PKIG: variants seen among roughly 807,000 people sequenced by gnomAD.
The protein encoded by PKIG is protein kinase (cAMP-dependent, catalytic) inhibitor gamma.
Under a neutral mutation model 6.8 loss-of-function variants are expected in PKIG, and 1 was observed. That is an observed-to-expected ratio of 0.15 (90% CI 0.05 to 0.69). The LOEUF (loss-of-function observed/expected upper bound fraction) is 0.69, where lower values mean the gene tolerates loss of function less well. Among genes scored for constraint, PKIG ranks in the 30% least tolerant of loss-of-function variants. The pLI is 0.82. For missense variants in PKIG, 77 were observed against 104.0 expected, an observed-to-expected ratio of 0.74 and a Z score of 1.13; for synonymous variants, 39 against 43.0, an observed-to-expected ratio of 0.91 and a Z score of 0.36.
intron 1 of PKIG, 42 bp from the exon 2 acceptor site, chr20:44,589,755 G>A (rs1473844669): frequency 6.6e-6 from 1 of 152,280 alleles, no homozygotes; most frequent in South Asian, 2.1e-4. Flanking sequence ...TAATCCCAGA[G>A]TATGTCTGGC....
rs555647106 is a variant in PKIG at position 44,584,746 on chromosome 20, G to A, written c.-94+2015G>A. On this transcript the variant is annotated intron_variant, in intron 1 of 3. Coordinates refer to ENST00000372886, the MANE Select transcript of PKIG (RefSeq NM_001281445.2). ...TCTTTTTTTTTTTTTTTGAGACGGA[G>A]TCTCACTCTGTCTCCCAGGCTGGAG... Among the ~76,000 whole-genome samples, 667 of 149,428 alleles carry A rather than the reference G, an allele frequency of 4.5e-3. 5 individuals are homozygous for A. Among genetic ancestry groups the A allele is most frequent in the Non-Finnish European group, 7.2e-3 (484 of 67,534 alleles).
chr20:44,608,914 A>G (rs894794581), intron 2 of PKIG, among the ~76,000 whole-genome samples: 1 of 152,238 alleles, frequency 6.6e-6, no homozygotes, highest in African/African-American at 2.4e-5. Context: ...GCTAAAAGAT[A>G]TGGAAAAAGT....
rs566869524 is a variant in PKIG at position 44,573,814 on chromosome 20, C to T, written c.-240-8771C>T. Among the ~76,000 whole-genome samples the T allele has an allele frequency of 1.3e-4, 20 of 152,318 alleles. No individual in the cohort carries two copies. In the South Asian group the frequency reaches 2.3e-3, roughly 17 times the overall value. ...AATAGCAATAATTGTTATTATTACA[C>T]TTAATGTGGATATATTCACTCTGGG... On this transcript the variant is annotated intron_variant, in intron 1 of 4. Transcript: ENST00000372887.
chr20:44,534,592 C>A (rs919033606), intron 1 of PKIG, among the ~76,000 whole-genome samples: 2 of 151,942 alleles, frequency 1.3e-5, no homozygotes, highest in African/African-American at 4.8e-5. Flanking sequence ...CCTCAGCCCC[C>A]CAAGTAGCTG....
chr20:44,581,859 C>T (rs536021822), upstream of PKIG, among the ~76,000 whole-genome samples: 36 of 152,256 alleles, frequency 2.4e-4, no homozygotes, highest in South Asian at 6.2e-4. Context: ...CTCTATAATG[C>T]ATTTGTTTAT....
intron 2 of PKIG, among the ~76,000 whole-genome samples, chr20:44,610,974 A>G (rs528847424): frequency 9.6e-4 from 146 of 151,718 alleles, no homozygotes; most frequent in Non-Finnish European, 1.5e-3. Flanking sequence ...CAGTTAGCAT[A>G]TCCATCATCT....
At chr20:44,586,723 T>C (rs1457360897) in intron 1 of PKIG, among the ~76,000 whole-genome samples, 5 of 152,236 alleles carry the variant, frequency 3.3e-5, no homozygotes, top group Non-Finnish European at 7.3e-5. Context: ...TTATTAATCA[T>C]GACCCTAGGC....
intron 1 of PKIG, among the ~76,000 whole-genome samples, chr20:44,574,019 T>C (rs2064875306): frequency 6.6e-6 from 1 of 152,236 alleles, no homozygotes. Flanking sequence ...TGTCTCCTGC[T>C]TACCCCTCAC....
upstream of PKIG, among the ~76,000 whole-genome samples, chr20:44,580,643 C>T (rs546742287): frequency 2.0e-5 from 3 of 151,846 alleles, no homozygotes; most frequent in Non-Finnish European, 2.9e-5. Flanking sequence ...CCACCGCGCC[C>T]GGCCAGGCTG....
chr20:44,595,802 G>A (rs2065070712), intron 2 of PKIG, among the ~76,000 whole-genome samples: 1 of 152,182 alleles, frequency 6.6e-6, no homozygotes, highest in East Asian at 1.9e-4. Context: ...GTGAACCACT[G>A]CGCCTGGTGC....
chr20:44,579,382 T>G (rs892565413), upstream of PKIG, among the ~76,000 whole-genome samples: 4 of 152,218 alleles, frequency 2.6e-5, no homozygotes, highest in African/African-American at 9.6e-5. Context: ...CAGCCAAGTT[T>G]CCTGAAGGGA....
chr20:44,545,975 C>T lies in PKIG; in HGVS notation c.-241+13997C>T, dbSNP rs536599554. On this transcript the variant is annotated intron_variant, in intron 1 of 4. Transcript: ENST00000372887. The stretch of plus-strand genomic sequence containing the variant: ...CTCAAGAAAAGGCCTTCACTGGGCA[C>T]AGTGGCTCATGTCTATAATCCCAGC... Among the ~76,000 whole-genome samples the T allele has an allele frequency of 2.8e-4, 42 of 151,860 alleles. No individual in the cohort carries two copies. The South Asian group carries it at 3.7e-3, about 14-fold the overall frequency.
chr20:44,587,295 C>A (rs2064997650), intron 1 of PKIG, among the ~76,000 whole-genome samples: 1 of 152,218 alleles, frequency 6.6e-6, no homozygotes. Flanking sequence ...AGGTCCTGAT[C>A]TTGCGCTGGG....
At chr20:44,568,385 A>G (rs1336334520) in intron 1 of PKIG, among the ~76,000 whole-genome samples, 1 of 152,142 alleles carries the variant, frequency 6.6e-6, no homozygotes. Context: ...CTACTGATTA[A>G]TAGTTTCTTC....
chr20:44,559,936 G>C (rs891060994), intron 1 of PKIG, among the ~76,000 whole-genome samples: 2 of 152,066 alleles, frequency 1.3e-5, no homozygotes, highest in Non-Finnish European at 2.9e-5. Flanking sequence ...CGGGCATGGT[G>C]GCTCATGCCT....
rs757528347 is a variant in PKIG, at chr20:44,618,511, T to C, written c.*147T>C. On this transcript the variant is annotated 3_prime_UTR_variant, in exon 4 of 4. Transcript: ENST00000372886. ...TGAGAAGGCTCCCCAGAGGCCTCTG[T>C]GGCCTCCACTCCGGGAAAGCCCTCT... The C allele has an allele frequency of 4.8e-4, 303 of 629,348 alleles. 1 individual carries two copies. The highest frequency in any genetic ancestry group is 2.2e-4 in the Non-Finnish European group (76 of 351,344). 39.0% of individuals were successfully genotyped at this position (629,348 alleles called of 1,614,324 possible). A position where few individuals can be genotyped will look rare whatever the true frequency, so the allele number is the denominator to read the frequency against.
chr20:44,580,682 C>T (rs185477695), upstream of PKIG, among the ~76,000 whole-genome samples: 6 of 152,224 alleles, frequency 3.9e-5, 1 homozygote, highest in South Asian at 1.0e-3. Context: ...AGCAGTCCTA[C>T]GTCACATTGT....
At chr20:44,541,777 C>G (rs1346664595) in intron 1 of PKIG, among the ~76,000 whole-genome samples, 5 of 151,274 alleles carry the variant, frequency 3.3e-5, no homozygotes, top group African/African-American at 1.2e-4. Flanking sequence ...GCAGCCTCGC[C>G]TCCCAGGTTC....
chr20:44,577,264 G>A (rs185893634), intron 1 of PKIG, among the ~76,000 whole-genome samples: 3 of 152,098 alleles, frequency 2.0e-5, no homozygotes, highest in South Asian at 4.2e-4. Context: ...GAGTAGCTGG[G>A]ACTACAGGTG....
Sources: gnomAD v4.1 joint callset for allele counts (sites outside exome capture counted in the v4.1 genomes callset) on GRCh38, gnomAD v4.1.1 for gene constraint, MANE v1.5 for transcripts, NCBI Gene and HGNC (gene_info 2026-07-23, HGNC 2026-07-21) for gene names.